NEMP2: variants seen among roughly 807,000 people sequenced by gnomAD.
NEMP2 encodes nuclear envelope integral membrane protein 2.
A neutral mutation model predicts 54.2 loss-of-function variants in NEMP2; 53 were observed. The ratio of observed to expected loss-of-function variants is 0.98; its 90% confidence interval spans 0.78 to 1.23. NEMP2 has a LOEUF of 1.23. NEMP2 is among the 50% of genes most tolerant of loss of function. The pLI, the probability that NEMP2 is intolerant of heterozygous loss-of-function variation, is 0.00. For synonymous variants in NEMP2, 197 were observed against 190.3 expected, an observed-to-expected ratio of 1.04 and a Z score of -0.29; for missense variants, 455 against 511.3, an observed-to-expected ratio of 0.89 and a Z score of 1.06.
In NEMP2 at chr2:190,530,196, T is replaced by C. The variant is rs950097373; in HGVS notation, c.97+4363A>G. Among the ~76,000 whole-genome samples, 2 of 152,236 alleles carry C rather than the reference T, an allele frequency of 1.3e-5. No individual in the cohort carries two copies. The highest frequency in any genetic ancestry group is 2.9e-5 in the Non-Finnish European group (2 of 68,040). ...ATAGAAGGAAGGAGGTTGTCCTGACTGTTCATGCCTATAGACACGCTAGTA... is the reference window on the plus strand; with the variant it reads ...ATAGAAGGAAGGAGGTTGTCCTGACCGTTCATGCCTATAGACACGCTAGTA... On this transcript the variant is annotated intron_variant, in intron 1 of 8. Transcript: ENST00000409150. The surrounding 1 kb of genome is among the most constrained non-coding windows in gnomAD (Gnocchi z 4.6).
chr2:190,503,829 G>T (rs1221898508), downstream of NEMP2, among the ~76,000 whole-genome samples: 5 of 152,186 alleles, frequency 3.3e-5, no homozygotes, highest in African/African-American at 4.8e-5. This position sits in a 1 kb window ranked among gnomAD's most constrained non-coding sequence, Gnocchi z 6.3. Context: ...TGGTTTGTCA[G>T]ATCTCAGAAA....
At chr2:190,585,813 A>T in the NEMP2 span, among the ~76,000 whole-genome samples, 1 of 151,984 alleles carries the variant, frequency 6.6e-6, no homozygotes, top group Admixed American at 6.6e-5. This position sits in a 1 kb window ranked among gnomAD's most constrained non-coding sequence, Gnocchi z 5.3. Context: ...TCTCCTTGGG[A>T]CCCTCTGGAT....
the NEMP2 span, among the ~76,000 whole-genome samples, chr2:190,482,414 T>A: frequency 2.0e-5 from 3 of 151,828 alleles, no homozygotes; most frequent in Non-Finnish European, 4.4e-5. Context: ...TTTTTTTTTT[T>A]AATCCCAGAA....
chr2:190,569,849 G>T, the NEMP2 span, among the ~76,000 whole-genome samples: 1 of 110,728 alleles, frequency 9.0e-6, no homozygotes, highest in Non-Finnish European at 2.2e-5. Context: ...TTACTCACAT[G>T]ACTTTTCTCA....
At chr2:190,495,500 T>C in the NEMP2 span, among the ~76,000 whole-genome samples, 1 of 152,064 alleles carries the variant, frequency 6.6e-6, no homozygotes, top group Non-Finnish European at 1.5e-5. This position sits in a 1 kb window ranked among gnomAD's most constrained non-coding sequence, Gnocchi z 4.7. Flanking sequence ...AAAACAATCC[T>C]AAATTTCATA....
chr2:190,499,923 C>G (rs1416863461), downstream of NEMP2: 5 of 1,587,918 alleles, frequency 3.1e-6, no homozygotes, highest in Non-Finnish European at 4.3e-6. This position sits in a 1 kb window ranked among gnomAD's most constrained non-coding sequence, Gnocchi z 6.0. Context: ...GATGATCTCC[C>G]CATGTTTCCT....
chr2:190,459,930 T>C, the NEMP2 span, among the ~76,000 whole-genome samples: 1 of 152,360 alleles, frequency 6.6e-6, no homozygotes, highest in Non-Finnish European at 1.5e-5. This position sits in a 1 kb window ranked among gnomAD's most constrained non-coding sequence, Gnocchi z 5.3. Flanking sequence ...ATGTGATTCT[T>C]ATGCTCTGTT....
chr2:190,575,281 T>G, the NEMP2 span, among the ~76,000 whole-genome samples: 1 of 152,142 alleles, frequency 6.6e-6, no homozygotes, highest in Admixed American at 6.5e-5. Flanking sequence ...TTATTTTTAA[T>G]TCAAAGCTCA....
At chr2:190,613,009 T>C in the NEMP2 span, among the ~76,000 whole-genome samples, 1 of 152,220 alleles carries the variant, frequency 6.6e-6, no homozygotes, top group Non-Finnish European at 1.5e-5. Context: ...TACATTTATC[T>C]AATTATTTAT....
At chr2:190,553,933 G>A in the NEMP2 span, among the ~76,000 whole-genome samples, 2 of 152,194 alleles carry the variant, frequency 1.3e-5, no homozygotes, top group South Asian at 2.1e-4. Context: ...TGCAGAAGGC[G>A]AGTGATATCT....
chr2:190,476,491 A>G, the NEMP2 span, among the ~76,000 whole-genome samples: 5 of 152,240 alleles, frequency 3.3e-5, no homozygotes, highest in Non-Finnish European at 5.9e-5. Flanking sequence ...ATGCAAATCA[A>G]AACCACAATG....
the NEMP2 span, among the ~76,000 whole-genome samples, chr2:190,619,076 C>A: frequency 6.6e-6 from 1 of 152,152 alleles, no homozygotes; most frequent in South Asian, 2.1e-4. The surrounding 1 kb of genome is among the most constrained non-coding windows in gnomAD (Gnocchi z 5.5). Context: ...CAGAATTGGA[C>A]TTGCTATTAA....
At chr2:190,631,677 T>TG in the NEMP2 span, among the ~76,000 whole-genome samples, 1 of 152,236 alleles carries the variant, frequency 6.6e-6, no homozygotes, top group Non-Finnish European at 1.5e-5. Context: ...GTTATAGTCA[T>TG]GACTTTTATT....
At chr2:190,430,223 TA>T in the NEMP2 span, among the ~76,000 whole-genome samples, 1 of 151,094 alleles carries the variant, frequency 6.6e-6, no homozygotes. Flanking sequence ...TTTTTTTTTT[TA>T]ATTGATCATT....
the NEMP2 span, among the ~76,000 whole-genome samples, chr2:190,574,481 T>C: frequency 6.6e-6 from 1 of 152,220 alleles, no homozygotes; most frequent in Non-Finnish European, 1.5e-5. Context: ...ATAATTCATA[T>C]ACCATATGTC....
Position 190,510,999 on chromosome 2 carries a change from A to G in NEMP2, c.954-462T>C, listed in dbSNP as rs1257950128. Among the ~76,000 whole-genome samples the G allele has an allele frequency of 3.3e-5, 5 of 152,140 alleles. No individual in the cohort carries two copies. The highest frequency in any genetic ancestry group is 4.8e-5 in the African/African-American group (2 of 41,434). ...TTATTGCTGTTATCATGACTGAGGT[A>G]TAGAGAACATGTAGTTTGGGCCTAA... On this transcript the variant is annotated intron_variant, in intron 7 of 8. Coordinates refer to ENST00000409150, the MANE Select transcript of NEMP2 (RefSeq NM_001142645.2). The surrounding 1 kb of genome is among the most constrained non-coding windows in gnomAD (Gnocchi z 5.7).
the NEMP2 span, among the ~76,000 whole-genome samples, chr2:190,474,686 A>G: frequency 6.6e-6 from 1 of 152,268 alleles, no homozygotes; most frequent in South Asian, 2.1e-4. Flanking sequence ...AATCAAGAGA[A>G]AAAGAGGGAA....
chr2:190,490,241 T>G, the NEMP2 span, among the ~76,000 whole-genome samples: 2 of 151,136 alleles, frequency 1.3e-5, no homozygotes, highest in African/African-American at 4.9e-5. The surrounding 1 kb of genome is among the most constrained non-coding windows in gnomAD (Gnocchi z 4.5). Flanking sequence ...GGTAATCTTC[T>G]CTATGACTTA....
At chr2:190,450,239 A>G in the NEMP2 span, among the ~76,000 whole-genome samples, 1 of 152,118 alleles carries the variant, frequency 6.6e-6, no homozygotes, top group African/African-American at 2.4e-5. Context: ...ATATACATGG[A>G]AATATCTGGC....
Sources: gnomAD v4.1 joint callset for allele counts (sites outside exome capture counted in the v4.1 genomes callset) on GRCh38, gnomAD v4.1.1 for gene constraint, Gnocchi (gnomAD v3.1) non-coding constraint, MANE v1.5 for transcripts, NCBI Gene and HGNC (gene_info 2026-07-23, HGNC 2026-07-21) for gene names.